CFAP61: variants seen among roughly 807,000 people sequenced by gnomAD.
CFAP61 encodes the protein cilia and flagella associated protein 61.
Under a neutral mutation model 135.6 loss-of-function variants are expected in CFAP61, and 107 were observed. The observed-to-expected ratio is 0.79, with a 90% CI of 0.67 to 0.93. The LOEUF is 0.93. Among genes scored for constraint, CFAP61 ranks in the 40% least tolerant of loss-of-function variants. The pLI is 0.00. For missense variants in CFAP61, 1,507 were observed against 1,556.2 expected (o/e 0.97, Z 0.53); for synonymous variants, 575 against 578.5 (o/e 0.99, Z 0.09).
chr20:20,083,146 G>A (rs2046548467), intron 6 of CFAP61, among the ~76,000 whole-genome samples: 1 of 152,190 alleles, frequency 6.6e-6, no homozygotes, highest in African/African-American at 2.4e-5. Context: ...ATACACCGTG[G>A]AATACTACTC....
intron 2 of CFAP61, among the ~76,000 whole-genome samples, chr20:20,061,682 G>A (rs1010455758): frequency 6.6e-6 from 1 of 152,314 alleles, no homozygotes; most frequent in East Asian, 1.9e-4. Context: ...GAAAATCACA[G>A]GTAGAGCACT....
intron 25 of CFAP61, among the ~76,000 whole-genome samples, chr20:20,321,407 C>A (rs1024819743): frequency 3.9e-5 from 6 of 152,160 alleles, no homozygotes; most frequent in African/African-American, 9.7e-5. Flanking sequence ...TGTCAACAAT[C>A]ATTCAAAAAG....
In CFAP61 at chr20:20,297,965, A is replaced by G. The variant is rs148226816; in HGVS notation, c.3217-216A>G. ...TAGAAACACAGAACAAGGCAATCAC[A>G]GTTTTAAATATCCTTGTAGTCCCTG... On this transcript the variant is annotated intron_variant, in intron 24 of 26. Coordinates refer to ENST00000245957, the MANE Select transcript of CFAP61 (RefSeq NM_015585.4). Among the ~76,000 whole-genome samples, 181 of 152,354 alleles carry G rather than the reference A, an allele frequency of 1.2e-3. 1 individual carries two copies. The highest frequency in any genetic ancestry group is 4.2e-3 in the African/African-American group (173 of 41,578).
At chr20:20,274,757 A>G (rs964061376) in intron 21 of CFAP61, among the ~76,000 whole-genome samples, 12 of 152,214 alleles carry the variant, frequency 7.9e-5, no homozygotes, top group African/African-American at 2.9e-4. Context: ...ATCATGTTTT[A>G]TTCTATTTGT....
At chr20:20,123,971 G>GTTTTTTTTTTTT in intron 8 of CFAP61, among the ~76,000 whole-genome samples, 1 of 65,268 alleles carries the variant, frequency 1.5e-5, no homozygotes, top group Non-Finnish European at 2.9e-5. Context: ...ATATTCCTAA[G>GTTTTTTTTTTTT]TTTTTTTTTT....
At chr20:20,339,333 G>A (rs540822798) in intron 25 of CFAP61, among the ~76,000 whole-genome samples, 165 of 152,200 alleles carry the variant, frequency 1.1e-3, no homozygotes, top group Admixed American at 4.2e-3. Context: ...AGTACCTGGC[G>A]GCCAAAAATG....
chr20:20,219,131 T>C lies in CFAP61; in HGVS notation c.1933-9118T>C, dbSNP rs77201851. Among the ~76,000 whole-genome samples, 82 of 152,364 alleles carry C rather than the reference T, an allele frequency of 5.4e-4. 2 individuals are homozygous for C. In the East Asian group the frequency reaches 0.012, roughly 21 times the overall value. ...ATATCGAAATGACCAATCCACTACT[T>C]GTTCATTGTTCCTGTATTCCTTCAC... On this transcript the variant is annotated intron_variant, in intron 17 of 26. Coordinates refer to ENST00000245957, the MANE Select transcript of CFAP61 (RefSeq NM_015585.4).
At chr20:20,102,343 G>A (rs963868091) in intron 8 of CFAP61, among the ~76,000 whole-genome samples, 2 of 152,210 alleles carry the variant, frequency 1.3e-5, no homozygotes, top group Non-Finnish European at 2.9e-5. Context: ...TGACTTGGGT[G>A]AGAGTATAAA....
At chr20:20,180,803 C>G (rs1353086460) in intron 13 of CFAP61, among the ~76,000 whole-genome samples, 3 of 152,128 alleles carry the variant, frequency 2.0e-5, no homozygotes, top group South Asian at 2.1e-4. Flanking sequence ...GGTACAGATA[C>G]ACCATGGAAT....
intron 20 of CFAP61, among the ~76,000 whole-genome samples, chr20:20,256,400 C>CCACACACA (rs35783358): frequency 5.5e-4 from 82 of 148,784 alleles, no homozygotes; most frequent in African/African-American, 1.9e-3. Flanking sequence ...AAAATTTAGG[C>CCACACACA]CACACACACA....
chr20:20,160,523 TC>T (rs575147426), intron 10 of CFAP61, among the ~76,000 whole-genome samples: 88 of 152,092 alleles, frequency 5.8e-4, no homozygotes, highest in African/African-American at 2.1e-3. Flanking sequence ...GCTTCCCATT[TC>T]TCCTTACTGA....
At chr20:20,312,258 A>G (rs2056876455) in intron 25 of CFAP61, among the ~76,000 whole-genome samples, 1 of 152,242 alleles carries the variant, frequency 6.6e-6, no homozygotes, top group African/African-American at 2.4e-5. Context: ...TGAAACAGCT[A>G]TTATAACTGT....
intron 15 of CFAP61, among the ~76,000 whole-genome samples, chr20:20,191,722 G>A (rs928328968): frequency 6.6e-6 from 1 of 151,306 alleles, no homozygotes; most frequent in Non-Finnish European, 1.5e-5. Flanking sequence ...TATGTTCTAA[G>A]TATTACTACT....
intron 19 of CFAP61, among the ~76,000 whole-genome samples, chr20:20,250,945 C>G (rs6132277): frequency 0.27 from 40,984 of 152,106 alleles, 6,069 homozygotes; most frequent in East Asian, 0.57. Flanking sequence ...TGCTGGCGGT[C>G]GAAGTCTCCG....
intron 8 of CFAP61, among the ~76,000 whole-genome samples, chr20:20,115,479 T>C (rs1301187239): frequency 1.3e-5 from 2 of 152,052 alleles, no homozygotes; most frequent in Non-Finnish European, 2.9e-5. Context: ...AAATATATAA[T>C]AGATTATTAT....
At chr20:20,301,032 A>G (rs2056053634) in intron 25 of CFAP61, among the ~76,000 whole-genome samples, 1 of 152,184 alleles carries the variant, frequency 6.6e-6, no homozygotes, top group Admixed American at 6.5e-5. Flanking sequence ...AAAGATTGAG[A>G]AACATGTTTT....
intron 18 of CFAP61, among the ~76,000 whole-genome samples, chr20:20,238,887 G>A (rs2049803393): frequency 6.6e-6 from 1 of 151,902 alleles, no homozygotes; most frequent in African/African-American, 2.4e-5. Flanking sequence ...AATCCCCACT[G>A]GAATTATTTG....
At chr20:20,321,301 TAGG>T (rs2057500325) in intron 25 of CFAP61, among the ~76,000 whole-genome samples, 1 of 151,572 alleles carries the variant, frequency 6.6e-6, no homozygotes, top group Non-Finnish European at 1.5e-5. Context: ...GGGAGAAGAG[TAGG>T]AGGAGCTAGC....
intron 24 of CFAP61, 36 bp downstream of exon 24, chr20:20,290,427 A>T: frequency 2.2e-6 from 3 of 1,369,754 alleles, no homozygotes; most frequent in Non-Finnish European, 3.1e-6. Context: ...TTACTTTCAA[A>T]TACAAAACTT....
Sources: gnomAD v4.1 joint callset for allele counts (sites outside exome capture counted in the v4.1 genomes callset) on GRCh38, gnomAD v4.1.1 for gene constraint, MANE v1.5 for transcripts, NCBI Gene and HGNC (gene_info 2026-07-23, HGNC 2026-07-21) for gene names.